The following GOLGB1 variants were observed in gnomAD, a reference collection of about 807,000 sequenced individuals.
The protein encoded by GOLGB1 is golgin subfamily B member 1.
A neutral mutation model predicts 336.9 loss-of-function variants in GOLGB1; 174 were observed. The ratio of observed to expected loss-of-function variants is 0.52; its 90% CI spans 0.46 to 0.59. GOLGB1 has a LOEUF of 0.59. Ranked by LOEUF, GOLGB1 falls within the 20% of genes least tolerant of loss-of-function variation. The probability of loss-of-function intolerance (pLI) is 0.00; values close to 1 mark genes in which losing one functional copy is unlikely to be tolerated. For synonymous variants in GOLGB1, 1,208 were observed against 1,289.2 expected, an observed-to-expected ratio of 0.94 and a Z score of 1.35; for missense variants, 3,331 against 3,645.3, an observed-to-expected ratio of 0.91 and a Z score of 2.22.
At chr3:121,704,072 G>A (rs1560258116) in intron 10 of GOLGB1, among the ~76,000 whole-genome samples, 3 of 151,592 alleles carry the variant, frequency 2.0e-5, no homozygotes, top group South Asian at 2.1e-4. Context: ...GGTGAATTGA[G>A]GATGATAAAT....
intron 14 of GOLGB1, among the ~76,000 whole-genome samples, chr3:121,686,370 C>T (rs1481553905): frequency 6.6e-6 from 1 of 152,194 alleles, no homozygotes; most frequent in African/African-American, 2.4e-5. Flanking sequence ...TGGTGACTTC[C>T]CCTTGGGACA....
chr3:121,696,522 G>A lies in GOLGB1; in HGVS notation c.4001C>T (p.Thr1334Ile). Residue 1334 changes from threonine (T) to isoleucine (I), a missense_variant, in exon 13 of 22, where the codon ACA (threonine) becomes ATA (isoleucine). Transcript: ENST00000614479. ...VELELKVSST[T>I]SELTKKSEEV... ...TTCTGATTTTTTAGTAAGCTCACTT[G>A]TTGTAGAACTAACTTTCAATTCTAA... 1 of 1,614,138 alleles carries A rather than the reference G, an allele frequency of 6.2e-7. No homozygotes were observed. Among genetic ancestry groups the A allele is most frequent in the Middle Eastern group, 1.6e-4 (1 of 6,062 alleles).
At chr3:121,676,798 C>T (rs538456025) in intron 17 of GOLGB1, 95 bp downstream of exon 17, 31 of 1,074,312 alleles carry the variant, frequency 2.9e-5, no homozygotes, top group East Asian at 1.2e-4. Context: ...AGATATGCTA[C>T]AGCTGGGACT....
chr3:121,727,309 TA>T, intron 4 of GOLGB1, among the ~76,000 whole-genome samples: 1 of 35,126 alleles, frequency 2.8e-5, no homozygotes, highest in Non-Finnish European at 7.8e-5. Context: ...TATATATATA[TA>T]TATATATATA....
At chr3:121,725,352 G>T (rs143820464) in intron 5 of GOLGB1, among the ~76,000 whole-genome samples, 2 of 152,316 alleles carry the variant, frequency 1.3e-5, no homozygotes, top group African/African-American at 2.4e-5. Context: ...GCTGAAAATG[G>T]AGTAAAAGAA....
chr3:121,693,886 C>T lies in GOLGB1; in HGVS notation c.6637G>A (p.Ala2213Thr), dbSNP rs1384846075. 1 of 1,614,098 alleles carries T rather than the reference C, an allele frequency of 6.2e-7. No homozygotes were observed. The highest frequency in any genetic ancestry group is 1.1e-5 in the South Asian group (1 of 91,082). Residue 2213 changes from alanine to threonine, a missense_variant, in exon 13 of 22, where the codon GCT (alanine) becomes ACT (threonine). By Grantham distance (58) the Ala-to-Thr change is moderately conservative. Coordinates refer to ENST00000614479, the MANE Select transcript of GOLGB1 (RefSeq NM_001366282.2). Reference protein sequence around the residue: ...QDDRDRVIDEAKKWERKFSDA... With the variant: ...QDDRDRVIDETKKWERKFSDA... ...CTAAACTTCCTCTCCCATTTCTTAG[C>T]TTCATCTATCACCCTGTCACGATCA...
At position 121,664,999 on chromosome 3, in the gene GOLGB1, G is replaced by T. The variant is rs1938401870; in HGVS notation, c.9587C>A (p.Thr3196Asn). ...AGTGCCACAGGAGCCAATGATAGGA[G>T]TCCGGGAAGAGTCCCATTCACTGTG... ...LEHSEWDSSR[T>N]PIIGSCGTQE... The change falls in exon 21 of 22, where the codon ACT (threonine) becomes AAT (asparagine). Residue 3196 changes from threonine (T) to asparagine (N), a missense_variant. Thr to Asn is a moderately conservative substitution (Grantham distance 65). Transcript: ENST00000614479. 1 of 1,610,326 alleles carries T rather than the reference G, an allele frequency of 6.2e-7. No individual in the cohort carries two copies. The highest frequency in any genetic ancestry group is 8.5e-7 in the Non-Finnish European group (1 of 1,176,542).
Position 121,681,833 on chromosome 3 carries a change from G to T in GOLGB1, c.8727C>A (p.Tyr2909Ter). The T allele has an allele frequency of 6.2e-7, 1 of 1,605,376 alleles. No homozygotes were observed. The highest frequency in any genetic ancestry group is 8.5e-7 in the Non-Finnish European group (1 of 1,173,420). The change falls in exon 15 of 22, where the codon TAC becomes TAA. Residue 2909 changes from tyrosine (Y) to a stop codon, truncating the protein, a stop_gained. Transcript: ENST00000614479. LOFTEE classifies it high-confidence loss of function. The part of the protein sequence containing the change: ...LKELKNLQQQ[Y>*]LQINQEITEL... ...CAGTGATCTCTTGATTAATCTGTAA[G>T]TATTGCTGCTGCAGATTCTTCAATT...
chr3:121,729,763 T>C, intron 3 of GOLGB1, 102 bp downstream of exon 3: 1 of 876,016 alleles, frequency 1.1e-6, no homozygotes, highest in Non-Finnish European at 1.8e-6. Context: ...AGGGAGATAA[T>C]CAGATTCCCT....
At position 121,717,102 on chromosome 3, in the gene GOLGB1, T is replaced by C; in HGVS notation, c.923A>G (p.His308Arg). 6.2e-7 allele frequency: 1 copy of C among 1,613,016 alleles called. No individual in the cohort carries two copies. Among genetic ancestry groups the C allele is most frequent in the East Asian group, 2.2e-5 (1 of 44,880 alleles). ...SQQLQQMEAE[H>R]NTLRNTVETE... The stretch of plus-strand genomic sequence containing the variant: ...TTCCACAGTGTTCCTCAAAGTATTA[T>C]GCTCAGCTTCCATCTGCTGTAACTG... Residue 308 changes from histidine to arginine, a missense_variant, in exon 9 of 22, where the codon CAT becomes CGT. Coordinates refer to ENST00000614479, the MANE Select transcript of GOLGB1 (RefSeq NM_001366282.2).
intron 18 of GOLGB1, 95 bp downstream of exon 18, chr3:121,669,117 T>G (rs1939124925): frequency 8.2e-7 from 1 of 1,226,528 alleles, no homozygotes. Flanking sequence ...TGACCCCTAA[T>G]TACATTAACT....
chr3:121,729,426 C>T, intron 3 of GOLGB1, 86 bp from the exon 4 acceptor site: 2 of 1,072,780 alleles, frequency 1.9e-6, no homozygotes, highest in Non-Finnish European at 2.7e-6. Context: ...ATTATTATTA[C>T]TTTCAGAGAC....
chr3:121,697,435 TC>T lies in GOLGB1; in HGVS notation c.3087del (p.Glu1031LysfsTer26), dbSNP rs1464877492. On this transcript the variant is annotated frameshift_variant, in exon 13 of 22. Coordinates refer to ENST00000614479, the MANE Select transcript of GOLGB1 (RefSeq NM_001366282.2). LOFTEE classifies it high-confidence loss of function. ...EELANLKDES[K>X]KEIPLSETER... ...TCAGTCTCACTGAGTGGGATTTCTT[TC>T]TTAGATTCATCTTTCAAGTTGGCTA... 1 of 1,611,392 alleles carries T rather than the reference TC, an allele frequency of 6.2e-7. No homozygotes were observed. Among genetic ancestry groups the T allele is most frequent in the Non-Finnish European group, 8.5e-7 (1 of 1,179,506 alleles).
rs548961253 is a variant in GOLGB1 at position 121,697,244 on chromosome 3, C to T, written c.3279G>A (p.Glu1093=). The change falls in exon 13 of 22, where the codon GAG becomes GAA. Residue 1093 remains glutamate (E), a synonymous_variant. Transcript: ENST00000614479. ...KDLEEKLAAE[E]QFQALVKQMN... is the part of the protein sequence containing the mutation. ...TCTGTTTGACCAGAGCCTGGAATTGCTCTTCAGCTGCCAGCTTTTCTTCCA... is the reference window on the plus strand; with the variant it reads ...TCTGTTTGACCAGAGCCTGGAATTGTTCTTCAGCTGCCAGCTTTTCTTCCA... 7.4e-6 allele frequency: 12 copies of T among 1,614,004 alleles called. No individual in the cohort carries two copies. Among genetic ancestry groups the T allele is most frequent in the Non-Finnish European group, 2.5e-6 (3 of 1,180,002 alleles).
chr3:121,739,473 T>A, intron 1 of GOLGB1, among the ~76,000 whole-genome samples: 1 of 150,592 alleles, frequency 6.6e-6, no homozygotes, highest in East Asian at 2.0e-4. Flanking sequence ...TGTGAAAAAA[T>A]AAACATCAGA....
At chr3:121,690,586 T>C (rs1283906723) in intron 14 of GOLGB1, 84 bp downstream of exon 14, 2 of 666,014 alleles carry the variant, frequency 3.0e-6, no homozygotes, top group East Asian at 2.9e-5. Flanking sequence ...TATAAGAATG[T>C]GTTTATCCTT....
At chr3:121,715,369 A>ATTTTTTTTT (rs373634444) in intron 9 of GOLGB1, among the ~76,000 whole-genome samples, 1 of 128,576 alleles carries the variant, frequency 7.8e-6, no homozygotes. Flanking sequence ...TGCCTGGCTA[A>ATTTTTTTTT]TTTTTTTTTT....
At chr3:121,708,645 A>C (rs1424935720) in intron 10 of GOLGB1, among the ~76,000 whole-genome samples, 1 of 152,184 alleles carries the variant, frequency 6.6e-6, no homozygotes. Flanking sequence ...AAAACAAATG[A>C]ACAAACACAC....
chr3:121,728,801 T>C (rs2108274777), intron 4 of GOLGB1, among the ~76,000 whole-genome samples: 1 of 152,322 alleles, frequency 6.6e-6, no homozygotes, highest in South Asian at 2.1e-4. Flanking sequence ...GTTAAGTCAT[T>C]GAATTAAAAA....
Sources: gnomAD v4.1 joint callset for allele counts (sites outside exome capture counted in the v4.1 genomes callset) on GRCh38, gnomAD v4.1.1 for gene constraint, MANE v1.5 for transcripts, NCBI Gene and HGNC (gene_info 2026-07-23, HGNC 2026-07-21) for gene names.